TFG: variants seen among roughly 807,000 people sequenced by gnomAD.
The protein encoded by TFG is trafficking from ER to golgi regulator, also known as protein TFG.
TFG carries 22 observed loss-of-function variants against 51.4 expected under a neutral mutation model. The ratio of observed to expected loss-of-function variants is 0.43; its 90% CI spans 0.31 to 0.61. The LOEUF (loss-of-function observed/expected upper bound fraction) is 0.61. Among genes scored for constraint, TFG ranks in the 20% least tolerant of loss-of-function variants. The pLI, the probability that TFG is intolerant of heterozygous loss-of-function variation, is 0.12. For synonymous variants in TFG, 187 were observed against 165.6 expected (o/e 1.13, Z -0.99); for missense variants, 419 against 487.7 (o/e 0.86, Z 1.33).
rs2095129351 is a variant in TFG at position 100,744,345 on chromosome 3, C to CA, written c.722-484dup. Reference sequence around the variant, plus strand: ...CCAAAAGTGTCTTTCAGCTCTGGAACAAAAGATGTCATATAGTTCCTTGCT... The same window carrying CA: ...CCAAAAGTGTCTTTCAGCTCTGGAACAAAAAGATGTCATATAGTTCCTTGCT... On this transcript the variant is annotated intron_variant, in intron 6 of 7. Transcript: ENST00000240851. The CA allele has an allele frequency of 2.0e-5, 3 of 152,366 alleles. No homozygotes were observed. In the South Asian group the frequency reaches 6.2e-4, roughly 32 times the overall value. 9.4% of individuals were successfully genotyped at this position (152,366 alleles called of 1,614,324 possible). A position where few individuals can be genotyped will look rare whatever the true frequency, so the allele number is the denominator to read the frequency against.
At chr3:100,714,366 T>G (rs374592104) in intron 2 of TFG, among the ~76,000 whole-genome samples, 1 of 152,098 alleles carries the variant, frequency 6.6e-6, no homozygotes, top group African/African-American at 2.4e-5. Flanking sequence ...CTGGGCGTGG[T>G]GGTGTGCGCC....
chr3:100,744,821 G>A lies in TFG; in HGVS notation c.722-12G>A. On this transcript the variant is annotated splice_polypyrimidine_tract_variant and intron_variant, in intron 6 of 7. Transcript: ENST00000240851. ...GCCTTTTTTCCTTGTGTGTGTGTGT[G>A]TGTGTTTTCAGGTCAGATGTACCAA... The A allele has an allele frequency of 3.8e-6, 6 of 1,595,774 alleles. No homozygotes were observed. The highest frequency in any genetic ancestry group is 5.2e-6 in the Non-Finnish European group (6 of 1,164,082).
chr3:100,738,799 T>C (rs951126921), intron 6 of TFG, among the ~76,000 whole-genome samples: 74 of 152,324 alleles, frequency 4.9e-4, no homozygotes, highest in African/African-American at 1.7e-3. Flanking sequence ...AGAATTACGA[T>C]AGAAGCCACA....
chr3:100,743,521 G>A (rs926635368), intron 6 of TFG: 5 of 151,906 alleles, frequency 3.3e-5, no homozygotes, highest in African/African-American at 7.3e-5. Context: ...TTTTGTAAGC[G>A]TTTCTTTTTT....
chr3:100,717,705 A>C (rs911696954), intron 2 of TFG, among the ~76,000 whole-genome samples: 2 of 151,830 alleles, frequency 1.3e-5, no homozygotes, highest in Non-Finnish European at 2.9e-5. Flanking sequence ...TGTGTATAGA[A>C]ACACTACTTA....
intron 4 of TFG, among the ~76,000 whole-genome samples, chr3:100,731,849 C>T (rs997505395): frequency 1.3e-5 from 2 of 152,064 alleles, no homozygotes; most frequent in African/African-American, 4.8e-5. Context: ...CACCCGGCTC[C>T]CCTCCTGTAT....
chr3:100,716,252 C>G (rs563239525), intron 2 of TFG, among the ~76,000 whole-genome samples: 1 of 152,268 alleles, frequency 6.6e-6, no homozygotes, highest in African/African-American at 2.4e-5. Flanking sequence ...GTCATCTGTT[C>G]TGCTTTTTAC....
At chr3:100,727,323 G>A (rs971709774) in intron 3 of TFG, among the ~76,000 whole-genome samples, 1 of 150,028 alleles carries the variant, frequency 6.7e-6, no homozygotes, top group East Asian at 1.9e-4. Flanking sequence ...ATGTAGGTAG[G>A]AGATTGTATT....
chr3:100,746,293 AT>A (rs767003179), intron 7 of TFG, among the ~76,000 whole-genome samples: 1 of 152,056 alleles, frequency 6.6e-6, no homozygotes, highest in African/African-American at 2.4e-5. Context: ...ATTCCCAGAG[AT>A]TTTGAATTTC....
At chr3:100,729,233 C>T (rs1053755185) in intron 4 of TFG, among the ~76,000 whole-genome samples, 1 of 152,030 alleles carries the variant, frequency 6.6e-6, no homozygotes, top group East Asian at 1.9e-4. Flanking sequence ...AGTAATGAAC[C>T]TTGGGAATTG....
chr3:100,716,353 G>A (rs1410463359), intron 2 of TFG, among the ~76,000 whole-genome samples: 1 of 152,120 alleles, frequency 6.6e-6, no homozygotes, highest in African/African-American at 2.4e-5. Flanking sequence ...CATCCATGTT[G>A]CTGTGAATGA....
chr3:100,744,322 A>G (rs2095129304), intron 6 of TFG: 2 of 152,254 alleles, frequency 1.3e-5, no homozygotes, highest in Non-Finnish European at 2.9e-5. Flanking sequence ...GACAAATTCC[A>G]AAAGTGTCTT....
At chr3:100,745,527 T>C (rs1193503717) in intron 7 of TFG, among the ~76,000 whole-genome samples, 1 of 152,210 alleles carries the variant, frequency 6.6e-6, no homozygotes, top group Non-Finnish European at 1.5e-5. Flanking sequence ...TTACCATCTG[T>C]CCACTGAAGA....
At chr3:100,729,007 TC>T in intron 4 of TFG, 149 bp downstream of exon 4, 1 of 660,670 alleles carries the variant, frequency 1.5e-6, no homozygotes. Flanking sequence ...ATGTCTGTGT[TC>T]CTAAACTTTG....
At chr3:100,711,646 C>T (rs562634215) in intron 1 of TFG, among the ~76,000 whole-genome samples, 1 of 152,178 alleles carries the variant, frequency 6.6e-6, no homozygotes, top group South Asian at 2.1e-4. Flanking sequence ...ATGTCAGGCA[C>T]TTTTCTAGGT....
intron 4 of TFG, 36 bp from the exon 5 acceptor site, chr3:100,732,472 G>T: frequency 6.5e-7 from 1 of 1,540,836 alleles, no homozygotes; most frequent in Non-Finnish European, 8.8e-7. Flanking sequence ...TAGATAAAAA[G>T]GAAACAAGTT....
rs761436238 is a variant in TFG at position 100,742,398 on chromosome 3, T to TA, written c.722-2434dup. The TA allele has an allele frequency of 3.9e-5, 6 of 152,308 alleles. No individual in the cohort carries two copies. In the East Asian group the frequency reaches 9.6e-4, roughly 24 times the overall value. The allele number at this position is 152,308 out of a possible 1,614,324, so 9.4% of individuals were successfully genotyped here. ...ACTAAAAACAAATGTGAGTTATAGA[T>TA]ACATTTAAGAAAGATTAATAAAAAC... On this transcript the variant is annotated intron_variant, in intron 6 of 7. Coordinates refer to ENST00000240851, the MANE Select transcript of TFG (RefSeq NM_006070.6).
chr3:100,711,402 T>C (rs1347233578), intron 1 of TFG, among the ~76,000 whole-genome samples: 1 of 152,078 alleles, frequency 6.6e-6, no homozygotes, highest in African/African-American at 2.4e-5. Flanking sequence ...TGCCCGGCCC[T>C]CAAATTTTAA....
chr3:100,728,563 C>CT (rs201727842), intron 3 of TFG, 149 bp from the exon 4 acceptor site: 9 of 585,140 alleles, frequency 1.5e-5, no homozygotes, highest in African/African-American at 1.0e-4. Flanking sequence ...ATAGAGAATT[C>CT]TTTTTTTTTA....
Sources: gnomAD v4.1 joint callset for allele counts (sites outside exome capture counted in the v4.1 genomes callset) on GRCh38, gnomAD v4.1.1 for gene constraint, MANE v1.5 for transcripts, NCBI Gene and HGNC (gene_info 2026-07-23, HGNC 2026-07-21) for gene names.